Variants in NEK4 observed in about 807,000 individuals in gnomAD.
The protein encoded by NEK4 is serine/threonine-protein kinase Nek4.
NEK4 carries 86 observed loss-of-function variants against 98.4 expected under a neutral mutation model. That is an observed-to-expected ratio of 0.87 (90% CI 0.73 to 1.05). The LOEUF is 1.05. NEK4 is among the 50% of genes least tolerant of loss of function. NEK4 has a pLI of 0.00. For missense variants in NEK4, 898 were observed against 950.3 expected (o/e 0.94, Z 0.72); for synonymous variants, 328 against 342.2 (o/e 0.96, Z 0.46).
intron 10 of NEK4, among the ~76,000 whole-genome samples, 177 bp from the exon 11 acceptor site, chr3:52,744,482 G>C (rs1444548310): frequency 1.4e-4 from 21 of 152,008 alleles, no homozygotes; most frequent in Admixed American, 1.3e-3. Flanking sequence ...TCAGGAGTTC[G>C]AGGCCAGACT....
rs764316090 is a variant in NEK4 at position 52,763,642 on chromosome 3, A to G, written c.667-18T>C. ...GGTGGCAGCTACAAATAAAAATAAT[A>G]TTGTAATTATGACTAATGGTCTTGT... On this transcript the variant is annotated intron_variant, in intron 4 of 15. Coordinates refer to ENST00000233027, the MANE Select transcript of NEK4 (RefSeq NM_003157.6). 3 of 1,560,490 alleles carry G rather than the reference A, an allele frequency of 1.9e-6. No individual in the cohort carries two copies. Among genetic ancestry groups the G allele is most frequent in the Non-Finnish European group, 1.7e-6 (2 of 1,147,734 alleles).
intron 5 of NEK4, among the ~76,000 whole-genome samples, chr3:52,761,881 T>C (rs1040035094): frequency 1.2e-4 from 18 of 152,240 alleles, no homozygotes; most frequent in African/African-American, 4.3e-4. Context: ...GTCCTGCTTA[T>C]AGAATAAATG....
intron 6 of NEK4, chr3:52,754,295 G>C (rs367969733): frequency 2.9e-6 from 1 of 348,018 alleles, no homozygotes; most frequent in East Asian, 7.1e-5. Flanking sequence ...CAGATGAACT[G>C]GATGTGAAGA....
intron 15 of NEK4, 96 bp downstream of exon 15, chr3:52,737,490 T>C (rs761242042): frequency 5.4e-6 from 7 of 1,288,032 alleles, no homozygotes; most frequent in South Asian, 4.9e-5. Flanking sequence ...TTATACACTT[T>C]AGATGAGTGA....
intron 2 of NEK4, 48 bp from the exon 3 acceptor site, chr3:52,766,423 G>C: frequency 7.3e-7 from 1 of 1,363,996 alleles, no homozygotes; most frequent in African/African-American, 1.4e-5. Flanking sequence ...ACTTAATTAT[G>C]TATTTATTCC....
chr3:52,758,494 G>A (rs1265033231), intron 6 of NEK4, among the ~76,000 whole-genome samples: 1 of 151,996 alleles, frequency 6.6e-6, no homozygotes, highest in Non-Finnish European at 1.5e-5. Context: ...ACTGTTAGAA[G>A]AAACTATGGC....
rs2097395530 is a variant in NEK4, at chr3:52,746,065, G to A, written c.1823C>T (p.Ser608Leu). The A allele has an allele frequency of 6.2e-7, 1 of 1,613,082 alleles. No individual in the cohort carries two copies. The highest frequency in any genetic ancestry group is 1.3e-5 in the African/African-American group (1 of 74,856). Residue 608 changes from serine to leucine, a missense_variant, in exon 10 of 16, where the codon TCA becomes TTA. Coordinates refer to ENST00000233027, the MANE Select transcript of NEK4 (RefSeq NM_003157.6). ...CCAGCATATGTTCCCACAAACCTTT[G>A]ATGATGACATCTCACTGCTCCTTGA... ...SSSRSSEMSSSKDRPLSARER... is the reference protein window; with the variant it reads ...SSSRSSEMSSLKDRPLSARER...
intron 1 of NEK4, among the ~76,000 whole-genome samples, chr3:52,768,948 A>T (rs1379898292): frequency 1.3e-5 from 2 of 152,206 alleles, no homozygotes; most frequent in Admixed American, 1.3e-4. Flanking sequence ...GGCCATACAC[A>T]GTGGCTCACA....
At chr3:52,721,273 A>G (rs530145188) in intron 15 of NEK4, among the ~76,000 whole-genome samples, 49 of 152,358 alleles carry the variant, frequency 3.2e-4, no homozygotes, top group Non-Finnish European at 6.3e-4. Context: ...CAGATATAGA[A>G]GCAGGAAACC....
chr3:52,751,758 G>A (rs1392372020), intron 7 of NEK4, among the ~76,000 whole-genome samples, 174 bp downstream of exon 7: 1 of 152,232 alleles, frequency 6.6e-6, no homozygotes, highest in Non-Finnish European at 1.5e-5. Flanking sequence ...GGAATGGTGA[G>A]TGACTGTTAT....
Position 52,709,541 on chromosome 3 carries a change from A to T in NEK4, c.*2236T>A, listed in dbSNP as rs2097348280. ...CAACACAGACTTCCTCTCCACAAAAAATTTTAAAAATTAGCCAGGTGTGGT... is the reference window on the plus strand; with the variant it reads ...CAACACAGACTTCCTCTCCACAAAATATTTTAAAAATTAGCCAGGTGTGGT... On this transcript the variant is annotated 3_prime_UTR_variant, in exon 16 of 16. Coordinates refer to ENST00000233027, the MANE Select transcript of NEK4 (RefSeq NM_003157.6). 6.6e-6 allele frequency: 1 copy of T among 151,614 alleles called. No individual in the cohort carries two copies. The highest frequency in any genetic ancestry group is 2.4e-5 in the African/African-American group (1 of 41,262). 9.4% of individuals were successfully genotyped at this position (151,614 alleles called of 1,614,324 possible).
chr3:52,737,549 A>G (rs1317281583), intron 15 of NEK4, 37 bp downstream of exon 15: 1 of 1,607,308 alleles, frequency 6.2e-7, no homozygotes, highest in Non-Finnish European at 8.5e-7. Flanking sequence ...AAAATTCTAT[A>G]ACATAAGCAT....
chr3:52,767,856 T>C (rs1436406573), intron 2 of NEK4, among the ~76,000 whole-genome samples: 1 of 152,208 alleles, frequency 6.6e-6, no homozygotes, highest in East Asian at 1.9e-4. Context: ...AAACACAAAC[T>C]TGTAGGAACA....
intron 15 of NEK4, among the ~76,000 whole-genome samples, chr3:52,731,754 C>G (rs2097369889): frequency 6.6e-6 from 1 of 152,174 alleles, no homozygotes. Context: ...CTTCTGAGTT[C>G]AGGCAATCTG....
At chr3:52,721,286 T>C (rs1333419931) in intron 15 of NEK4, among the ~76,000 whole-genome samples, 2 of 152,234 alleles carry the variant, frequency 1.3e-5, no homozygotes. Flanking sequence ...AGGAAACCAA[T>C]GTTGCAACCA....
At chr3:52,747,920 G>C (rs1185099547) in intron 8 of NEK4, among the ~76,000 whole-genome samples, 1 of 151,784 alleles carries the variant, frequency 6.6e-6, no homozygotes, top group Non-Finnish European at 1.5e-5. Flanking sequence ...CCTCTAGCCT[G>C]GGTGACACAG....
chr3:52,725,032 G>A (rs941709896), intron 15 of NEK4, among the ~76,000 whole-genome samples: 2 of 152,110 alleles, frequency 1.3e-5, no homozygotes, highest in Admixed American at 6.6e-5. Flanking sequence ...TAGTATTATT[G>A]TAACAATTAT....
intron 6 of NEK4, among the ~76,000 whole-genome samples, chr3:52,759,751 A>G (rs1698286040): frequency 6.6e-6 from 1 of 152,234 alleles, no homozygotes; most frequent in Non-Finnish European, 1.5e-5. Context: ...CTAGGTATGT[A>G]CCCAAAAGAA....
intron 15 of NEK4, among the ~76,000 whole-genome samples, chr3:52,712,487 G>A (rs144901455): frequency 3.3e-5 from 5 of 152,342 alleles, no homozygotes; most frequent in African/African-American, 1.2e-4. Context: ...GCCATCTGTA[G>A]GCAGCTTGTG....
Sources: gnomAD v4.1 joint callset for allele counts (sites outside exome capture counted in the v4.1 genomes callset) on GRCh38, gnomAD v4.1.1 for gene constraint, MANE v1.5 for transcripts, NCBI Gene and HGNC (gene_info 2026-07-23, HGNC 2026-07-21) for gene names.